The following SERTM1 variants were observed in gnomAD, a reference collection of about 807,000 sequenced individuals.
SERTM1 encodes serine rich and transmembrane domain containing 1, also known as serine-rich and transmembrane domain-containing protein 1.
Under a neutral mutation model 5.5 loss-of-function variants are expected in SERTM1, and 1 was observed. The observed-to-expected ratio is 0.18, with a 90% confidence interval of 0.06 to 0.86. SERTM1 has a LOEUF of 0.86. Among genes scored for constraint, SERTM1 ranks in the 40% least tolerant of loss-of-function variants. SERTM1 has a pLI of 0.69. For missense variants in SERTM1, 91 were observed against 122.4 expected, an observed-to-expected ratio of 0.74 and a Z score of 1.21; for synonymous variants, 52 against 55.1, an observed-to-expected ratio of 0.94 and a Z score of 0.25.
At position 36,683,089 on chromosome 13, in the gene SERTM1, A is replaced by G. The variant is rs565298450; in HGVS notation, c.-174+8905A>G. Among the ~76,000 whole-genome samples, 16 of 152,166 alleles carry G rather than the reference A, an allele frequency of 1.1e-4. No individual in the cohort carries two copies. In the South Asian group the frequency reaches 3.3e-3, roughly 32 times the overall value. ...TGTACGATGAGTTTTTTTTTCCACT[A>G]GGAGTCATGAGTTAGTCTTAATATT... On this transcript the variant is annotated intron_variant, in intron 1 of 1. Transcript: ENST00000315190.
chr13:36,694,023 C>T (rs573354723), intron 1 of SERTM1, among the ~76,000 whole-genome samples: 7 of 152,306 alleles, frequency 4.6e-5, no homozygotes, highest in Non-Finnish European at 1.0e-4. Flanking sequence ...GTCCCATTAT[C>T]TCCCACCACA....
At chr13:36,677,617 A>C (rs546666478) in intron 1 of SERTM1, among the ~76,000 whole-genome samples, 1 of 152,356 alleles carries the variant, frequency 6.6e-6, no homozygotes, top group South Asian at 2.1e-4. Context: ...TTTCAAATTA[A>C]GAGAGACTGG....
intron 1 of SERTM1, among the ~76,000 whole-genome samples, chr13:36,691,201 T>C (rs1456617892): frequency 6.6e-6 from 1 of 152,202 alleles, no homozygotes; most frequent in Non-Finnish European, 1.5e-5. Flanking sequence ...AGATGAGAGC[T>C]GGTCAACTCT....
At chr13:36,678,785 A>G (rs9547641) in intron 1 of SERTM1, among the ~76,000 whole-genome samples, 17,208 of 151,444 alleles carry the variant, frequency 0.11, 1,035 homozygotes, top group South Asian at 0.16. Flanking sequence ...ACTCATGGAC[A>G]TTTTAGTAGC....
At position 36,695,221 on chromosome 13, in the gene SERTM1, T is replaced by C; in HGVS notation, c.143T>C (p.Phe48Ser). 6.2e-7 allele frequency: 1 copy of C among 1,614,214 alleles called. No homozygotes were observed. The highest frequency in any genetic ancestry group is 8.5e-7 in the Non-Finnish European group (1 of 1,180,034). ...LSNVYIYVSI[F>S]LSLLAFLLLL... ...AACGTCTACATCTATGTGTCCATAT[T>C]CCTCAGCCTTTTAGCGTTTCTGCTT... Residue 48 changes from phenylalanine to serine, a missense_variant, in exon 2 of 2, where the codon TTC becomes TCC. Coordinates refer to ENST00000315190, the MANE Select transcript of SERTM1 (RefSeq NM_203451.3).
chr13:36,680,884 TA>T (rs2056700937), intron 1 of SERTM1, among the ~76,000 whole-genome samples: 1 of 152,162 alleles, frequency 6.6e-6, no homozygotes, highest in Non-Finnish European at 1.5e-5. Context: ...AGGGGAAAGT[TA>T]AGATTTAGAG....
At chr13:36,681,290 T>G (rs1249067410) in intron 1 of SERTM1, among the ~76,000 whole-genome samples, 1 of 152,242 alleles carries the variant, frequency 6.6e-6, no homozygotes, top group African/African-American at 2.4e-5. Context: ...AAGACTTTCT[T>G]GATGAAGGAA....
intron 1 of SERTM1, among the ~76,000 whole-genome samples, chr13:36,677,012 G>A (rs2056673834): frequency 6.6e-6 from 1 of 152,094 alleles, no homozygotes; most frequent in African/African-American, 2.4e-5. Context: ...GTCCATCTGT[G>A]CATTCACGGG....
rs2056826309 is a variant in SERTM1 at position 36,697,820 on chromosome 13, A to G, written c.*2418A>G. ...GGTTGGAAGATGGGTTTATAAATAAAGAAGTGGAGTCCATTGAAAGCCTGG... is the reference window on the plus strand; with the variant it reads ...GGTTGGAAGATGGGTTTATAAATAAGGAAGTGGAGTCCATTGAAAGCCTGG... On this transcript the variant is annotated 3_prime_UTR_variant, in exon 2 of 2. Transcript: ENST00000315190. 1 of 167,058 alleles carries G rather than the reference A, an allele frequency of 6.0e-6. No homozygotes were observed. The highest frequency in any genetic ancestry group is 1.5e-5 in the Non-Finnish European group (1 of 68,122). The allele number at this position is 167,058 out of a possible 1,614,324, so 10.3% of individuals were successfully genotyped here. A position where few individuals can be genotyped will look rare whatever the true frequency, so the allele number is the denominator to read the frequency against.
intron 1 of SERTM1, among the ~76,000 whole-genome samples, chr13:36,691,629 G>A (rs575449913): frequency 4.3e-4 from 65 of 152,110 alleles, no homozygotes; most frequent in African/African-American, 1.4e-3. Context: ...GATTCTGAGC[G>A]GAAAAAAAGC....
chr13:36,678,135 T>G (rs2056681075), intron 1 of SERTM1, among the ~76,000 whole-genome samples: 1 of 152,224 alleles, frequency 6.6e-6, no homozygotes, highest in South Asian at 2.1e-4. Context: ...AATCAAATTT[T>G]ATTTCTATTT....
chr13:36,682,775 G>T (rs1291087918), intron 1 of SERTM1, among the ~76,000 whole-genome samples: 1 of 152,164 alleles, frequency 6.6e-6, no homozygotes, highest in African/African-American at 2.4e-5. Context: ...ACAAATTATA[G>T]ATGCATTAGA....
At chr13:36,676,579 GGATGC>G (rs1256961306) in intron 1 of SERTM1, among the ~76,000 whole-genome samples, 1 of 152,122 alleles carries the variant, frequency 6.6e-6, no homozygotes, top group African/African-American at 2.4e-5. Context: ...GAATGGCCCT[GGATGC>G]CAGGCACTGT....
At chr13:36,679,654 G>A (rs1008276675) in intron 1 of SERTM1, among the ~76,000 whole-genome samples, 2 of 152,098 alleles carry the variant, frequency 1.3e-5, no homozygotes, top group Non-Finnish European at 2.9e-5. Flanking sequence ...TGGTCCACCC[G>A]CCTTGGCCTC....
chr13:36,692,077 A>C (rs560964230), intron 1 of SERTM1, among the ~76,000 whole-genome samples: 1 of 152,328 alleles, frequency 6.6e-6, no homozygotes, highest in South Asian at 2.1e-4. Context: ...AGTACCCCGG[A>C]AATGGTATTA....
chr13:36,674,116 CA>C lies in SERTM1; in HGVS notation c.-241del, dbSNP rs2056654993. ...GACGGCTTCGCGGGCGCGTATCGTCCAGACCGGAGCACCGCCCCACCGCTAG... is the reference window on the plus strand; with the variant it reads ...GACGGCTTCGCGGGCGCGTATCGTCCGACCGGAGCACCGCCCCACCGCTAG... On this transcript the variant is annotated 5_prime_UTR_variant, in exon 1 of 2. Coordinates refer to ENST00000315190, the MANE Select transcript of SERTM1 (RefSeq NM_203451.3). The C allele has an allele frequency of 6.6e-6, 1 of 152,284 alleles. No homozygotes were observed. The highest frequency in any genetic ancestry group is 6.5e-5 in the Admixed American group (1 of 15,290). The allele number at this position is 152,284 out of a possible 1,614,324, so 9.4% of individuals were successfully genotyped here.
chr13:36,692,469 A>C (rs2056785478), intron 1 of SERTM1, among the ~76,000 whole-genome samples: 1 of 152,250 alleles, frequency 6.6e-6, no homozygotes, highest in Admixed American at 6.5e-5. Context: ...CTTGGGTAGC[A>C]GAGAAGGTAG....
At chr13:36,675,465 C>T (rs2056664009) in intron 1 of SERTM1, among the ~76,000 whole-genome samples, 1 of 152,162 alleles carries the variant, frequency 6.6e-6, no homozygotes, top group East Asian at 1.9e-4. Flanking sequence ...ACAGTCTTTT[C>T]TTAAAGGGTT....
intron 1 of SERTM1, among the ~76,000 whole-genome samples, chr13:36,684,555 A>G (rs769666484): frequency 6.6e-5 from 10 of 151,966 alleles, no homozygotes; most frequent in Non-Finnish European, 8.8e-5. Flanking sequence ...TCCTCTGCCA[A>G]TCATGCTCTG....
Sources: gnomAD v4.1 joint callset for allele counts (sites outside exome capture counted in the v4.1 genomes callset) on GRCh38, gnomAD v4.1.1 for gene constraint, MANE v1.5 for transcripts, NCBI Gene and HGNC (gene_info 2026-07-23, HGNC 2026-07-21) for gene names.